The following NAGLU variants were observed in gnomAD, a reference collection of about 807,000 sequenced individuals.
NAGLU encodes N-acetyl-alpha-glucosaminidase, also known as alpha-N-acetylglucosaminidase.
In NAGLU, 34 loss-of-function variants were observed where a neutral mutation model predicts 43.4. That is an observed-to-expected ratio of 0.78 (90% confidence interval 0.60 to 1.04). The LOEUF is 1.04. Among genes scored for constraint, NAGLU ranks in the 50% least tolerant of loss-of-function variants. The pLI, the probability that NAGLU is intolerant of heterozygous loss-of-function variation, is 0.00. For synonymous variants in NAGLU, 425 were observed against 437.6 expected (o/e 0.97, Z 0.36); for missense variants, 910 against 993.7 (o/e 0.92, Z 1.13).
rs753454744 is a variant in NAGLU, at chr17:42,543,088, G to T, written c.1082G>T (p.Trp361Leu). The change falls in exon 6 of 6, where the codon TGG (tryptophan) becomes TTG (leucine). Residue 361 changes from tryptophan (W) to leucine (L), a missense_variant. Coordinates refer to ENST00000225927, the MANE Select transcript of NAGLU (RefSeq NM_000263.4). Reference protein sequence around the residue: ...GWLFQHQPQFWGPAQIRAVLG... With the variant: ...GWLFQHQPQFLGPAQIRAVLG... ...CTCTTCCAGCACCAGCCGCAGTTCT[G>T]GGGGCCCGCCCAGATCAGGGCTGTG... The T allele has an allele frequency of 2.5e-6, 4 of 1,611,192 alleles. No homozygotes were observed. The highest frequency in any genetic ancestry group is 3.4e-6 in the Non-Finnish European group (4 of 1,180,032).
chr17:42,542,881 G>C (rs58965285), intron 5 of NAGLU, 147 bp from the exon 6 acceptor site: 2 of 1,221,528 alleles, frequency 1.6e-6, no homozygotes, highest in South Asian at 2.5e-5. Context: ...TCAGAGGGAC[G>C]CGTATGTGCC....
chr17:42,540,254 A>C (rs2092918049), intron 4 of NAGLU, among the ~76,000 whole-genome samples: 1 of 151,818 alleles, frequency 6.6e-6, no homozygotes, highest in Non-Finnish European at 1.5e-5. Context: ...GGTCAAGGGG[A>C]GGAGTAGCAT....
At position 42,541,155 on chromosome 17, in the gene NAGLU, C is replaced by T; in HGVS notation, c.970C>T (p.Pro324Ser). 6.2e-7 allele frequency: 1 copy of T among 1,613,802 alleles called. No individual in the cohort carries two copies. Among genetic ancestry groups the T allele is most frequent in the Non-Finnish European group, 8.5e-7 (1 of 1,180,038 alleles). The change falls in exon 5 of 6, where the codon CCC becomes TCC. Residue 324 changes from proline (P) to serine (S), a missense_variant. By Grantham distance (74) the Pro-to-Ser change is moderately conservative. Coordinates refer to ENST00000225927, the MANE Select transcript of NAGLU (RefSeq NM_000263.4). ...FNEMQPPSSE[P>S]SYLAAATTAV... ...TGAGATGCAGCCACCTTCCTCAGAGCCCTCCTACCTTGCCGCAGCCACCAC... is the reference window on the plus strand; with the variant it reads ...TGAGATGCAGCCACCTTCCTCAGAGTCCTCCTACCTTGCCGCAGCCACCAC...
chr17:42,541,190 T>C lies in NAGLU; in HGVS notation c.1005T>C (p.Tyr335=), dbSNP rs756871462. The change falls in exon 5 of 6, where the codon TAT becomes TAC. Residue 335 remains tyrosine (Y), a synonymous_variant. Transcript: ENST00000225927. ...SYLAAATTAV[Y]EAMTAVDTEA... is the part of the protein sequence containing the mutation. ...TTGCCGCAGCCACCACTGCCGTCTATGAGGCCATGACTGCAGGTACAGTGC... is the reference window on the plus strand; with the variant it reads ...TTGCCGCAGCCACCACTGCCGTCTACGAGGCCATGACTGCAGGTACAGTGC... 12 of 1,613,188 alleles carry C rather than the reference T, an allele frequency of 7.4e-6. No individual in the cohort carries two copies. The Admixed American group carries it at 2.0e-4, about 27-fold the overall frequency.
At chr17:42,537,940 A>T (rs999468929) in intron 2 of NAGLU, among the ~76,000 whole-genome samples, 4 of 150,620 alleles carry the variant, frequency 2.7e-5, no homozygotes, top group African/African-American at 9.8e-5. Flanking sequence ...GCAGCCAATC[A>T]CCTGGTCCCT....
At position 42,543,012 on chromosome 17, in the gene NAGLU, T is replaced by C; in HGVS notation, c.1022-16T>C. 1 of 1,599,854 alleles carries C rather than the reference T, an allele frequency of 6.3e-7. No homozygotes were observed. Among genetic ancestry groups the C allele is most frequent in the Non-Finnish European group, 8.5e-7 (1 of 1,179,942 alleles). On this transcript the variant is annotated splice_polypyrimidine_tract_variant and intron_variant, in intron 5 of 5. Coordinates refer to ENST00000225927, the MANE Select transcript of NAGLU (RefSeq NM_000263.4). Reference sequence around the variant, plus strand: ...CATCACTCCTCTTCTCTGTTCCCCCTACCTCCTGTCCACAGTGGATACTGA... The same window carrying C: ...CATCACTCCTCTTCTCTGTTCCCCCCACCTCCTGTCCACAGTGGATACTGA...
At chr17:42,537,183 G>A (rs1200916877) in intron 1 of NAGLU, 1 of 635,158 alleles carries the variant, frequency 1.6e-6, no homozygotes, top group Non-Finnish European at 2.7e-6. Flanking sequence ...ATACCCGCCA[G>A]GCTAGAGGGC....
At chr17:42,540,850 G>A in intron 4 of NAGLU, 100 bp from the exon 5 acceptor site, 2 of 1,561,542 alleles carry the variant, frequency 1.3e-6, no homozygotes, top group East Asian at 2.2e-5. Flanking sequence ...ATAGAGGCAA[G>A]AGAAACCAGG....
Position 42,543,336 on chromosome 17 carries a change from G to A in NAGLU, c.1330G>A (p.Ala444Thr), listed in dbSNP as rs1045767846. 3.1e-6 allele frequency: 5 copies of A among 1,613,098 alleles called. No homozygotes were observed. Among genetic ancestry groups the A allele is most frequent in the Non-Finnish European group, 4.2e-6 (5 of 1,179,978 alleles). ...CTCCACCATGGTAGGCACGGGCATG[G>A]CCCCCGAGGGCATCAGCCAGAACGA... is the stretch of plus-strand genomic sequence containing the variant. ...PNSTMVGTGM[A>T]PEGISQNEVV... The change falls in exon 6 of 6, where the codon GCC (alanine) becomes ACC (threonine). Residue 444 changes from alanine (A) to threonine (T), a missense_variant. By Grantham distance (58) the Ala-to-Thr change is moderately conservative. Coordinates refer to ENST00000225927, the MANE Select transcript of NAGLU (RefSeq NM_000263.4).
In NAGLU at chr17:42,544,384, G is replaced by GC; in HGVS notation, c.*146_*147insC. The stretch of plus-strand genomic sequence containing the variant: ...GGGTCTGACCTGGGGGGATTGGAGG[G>GC]AAATGACCTGCCCTCCACCACCACC... On this transcript the variant is annotated 3_prime_UTR_variant, in exon 6 of 6. Transcript: ENST00000225927. 3 of 1,223,966 alleles carry GC rather than the reference G, an allele frequency of 2.5e-6. No individual in the cohort carries two copies. Among genetic ancestry groups the GC allele is most frequent in the Non-Finnish European group, 2.3e-6 (2 of 866,522 alleles). 75.8% of individuals were successfully genotyped at this position (1,223,966 alleles called of 1,614,324 possible).
chr17:42,538,857 C>G (rs1402548048), intron 4 of NAGLU, 102 bp downstream of exon 4: 1 of 1,373,838 alleles, frequency 7.3e-7, no homozygotes. Flanking sequence ...CGCAGTGGCT[C>G]ACGCCTGTAA....
In NAGLU at chr17:42,544,366, A is replaced by G; in HGVS notation, c.*128A>G. On this transcript the variant is annotated 3_prime_UTR_variant, in exon 6 of 6. Coordinates refer to ENST00000225927, the MANE Select transcript of NAGLU (RefSeq NM_000263.4). Reference sequence around the variant, plus strand: ...CCCCACGGCCTGCTGGTGGGGTCTGACCTGGGGGGATTGGAGGGAAATGAC... The same window carrying G: ...CCCCACGGCCTGCTGGTGGGGTCTGGCCTGGGGGGATTGGAGGGAAATGAC... 2.8e-6 allele frequency: 4 copies of G among 1,408,164 alleles called. No individual in the cohort carries two copies. Among genetic ancestry groups the G allele is most frequent in the Non-Finnish European group, 2.9e-6 (3 of 1,025,304 alleles). The allele number at this position is 1,408,164 out of a possible 1,614,324, so 87.2% of individuals were successfully genotyped here. A position where few individuals can be genotyped will look rare whatever the true frequency, so the allele number is the denominator to read the frequency against.
Position 42,543,623 on chromosome 17 carries a change from C to T in NAGLU, c.1617C>T (p.Ala539=), listed in dbSNP as rs149875730. 54 of 1,613,142 alleles carry T rather than the reference C, an allele frequency of 3.3e-5. No homozygotes were observed. The African/African-American group carries it at 6.8e-4, about 20-fold the overall frequency. ...ACAACCGATCTGATGTGTTTGAGGC[C>T]TGGCGGCTGCTGCTCACATCTGCTC... The part of the protein sequence containing the change: ...IWYNRSDVFE[A]WRLLLTSAPS... Residue 539 remains alanine (A), a synonymous_variant, in exon 6 of 6, where the codon GCC becomes GCT. Coordinates refer to ENST00000225927, the MANE Select transcript of NAGLU (RefSeq NM_000263.4).
In NAGLU at chr17:42,543,273, G is replaced by A. The variant is rs1237047553; in HGVS notation, c.1267G>A (p.Val423Met). ...NHGLFGALEA[V>M]NGGPEAARLF... ...TGGTCTTTTTGGAGCCCTAGAGGCT[G>A]TGAACGGAGGCCCAGAAGCTGCCCG... The change falls in exon 6 of 6, where the codon GTG becomes ATG. Residue 423 changes from valine to methionine, a missense_variant. Transcript: ENST00000225927. The A allele has an allele frequency of 8.1e-6, 13 of 1,613,912 alleles. No individual in the cohort carries two copies. The highest frequency in any genetic ancestry group is 1.0e-5 in the Non-Finnish European group (12 of 1,180,058).
intron 5 of NAGLU, among the ~76,000 whole-genome samples, chr17:42,542,166 G>A (rs527708959): frequency 3.3e-5 from 5 of 152,190 alleles, no homozygotes; most frequent in East Asian, 1.9e-4. Context: ...GAGTTCAAGC[G>A]ATTCTCCTGC....
chr17:42,537,180 C>T (rs532546604), intron 1 of NAGLU: 47 of 622,590 alleles, frequency 7.5e-5, no homozygotes, highest in South Asian at 6.1e-4. Flanking sequence ...CAAATACCCG[C>T]CAGGCTAGAG....
chr17:42,539,784 G>A (rs2092916761), intron 4 of NAGLU, among the ~76,000 whole-genome samples: 1 of 152,232 alleles, frequency 6.6e-6, no homozygotes, highest in Non-Finnish European at 1.5e-5. Context: ...GGAGAGAGGG[G>A]CAGGAAGGGC....
At chr17:42,538,586 G>C in intron 3 of NAGLU, 84 bp from the exon 4 acceptor site, 4 of 1,612,542 alleles carry the variant, frequency 2.5e-6, no homozygotes, top group Non-Finnish European at 3.4e-6. Context: ...ACTGAGGCGG[G>C]GGGCTGCGTG....
intron 5 of NAGLU, among the ~76,000 whole-genome samples, chr17:42,542,563 A>G (rs1199998325): frequency 1.3e-5 from 2 of 152,176 alleles, no homozygotes; most frequent in African/African-American, 2.4e-5. Flanking sequence ...GCACAATCTC[A>G]GCTCACTGCA....
Sources: allele counts gnomAD v4.1 joint callset (sites outside exome capture counted in the v4.1 genomes callset), GRCh38; gene constraint gnomAD v4.1.1; transcripts MANE v1.5; gene names NCBI Gene and HGNC (gene_info 2026-07-23, HGNC 2026-07-21).